The following MAST2 variants were observed in gnomAD, a reference collection of about 807,000 sequenced individuals.
The protein encoded by MAST2 is microtubule associated serine/threonine kinase 2.
A neutral mutation model predicts 147.4 loss-of-function variants in MAST2; 70 were observed. The observed-to-expected ratio is 0.47, with a 90% confidence interval of 0.39 to 0.58. The LOEUF is 0.58. Among genes scored for constraint, MAST2 ranks in the 20% least tolerant of loss-of-function variants. The pLI, the probability that MAST2 is intolerant of heterozygous loss-of-function variation, is 0.00. For synonymous variants in MAST2, 869 were observed against 896.8 expected, an observed-to-expected ratio of 0.97 and a Z score of 0.55; for missense variants, 2,080 against 2,302.3, an observed-to-expected ratio of 0.90 and a Z score of 1.98.
rs56065470 is a variant in MAST2, at chr1:46,028,881, C to T, written c.2166C>T (p.Cys722=). 7,092 of 1,612,404 alleles carry T rather than the reference C, an allele frequency of 4.4e-3. 21 individuals carry two copies. The highest frequency in any genetic ancestry group is 6.1e-3 in the Middle Eastern group (37 of 6,052). The change falls in exon 18 of 29, where the codon TGC becomes TGT. Residue 722 remains cysteine, a synonymous_variant. Transcript: ENST00000361297. The part of the protein sequence containing the change: ...GIILYEFLVG[C]VPFFGDTPEE... ...TCCTGTATGAGTTCCTGGTGGGCTG[C>T]GTCCCTTTTTTTGGAGATACTCCGG...
At position 45,824,420 on chromosome 1, in the gene MAST2, T is replaced by C; in HGVS notation, c.178-13T>C. The stretch of plus-strand genomic sequence containing the variant: ...TATTAAAGACTCATGTTTTACTCTT[T>C]TTCTCTTTGAAGGATGTAGTAACTG... On this transcript the variant is annotated splice_polypyrimidine_tract_variant and intron_variant, in intron 1 of 28. Transcript: ENST00000361297. 8 of 1,579,182 alleles carry C rather than the reference T, an allele frequency of 5.1e-6. No homozygotes were observed. The highest frequency in any genetic ancestry group is 6.9e-6 in the Non-Finnish European group (8 of 1,159,396).
intron 1 of MAST2, among the ~76,000 whole-genome samples, chr1:45,807,944 A>T (rs181521840): frequency 9.2e-5 from 14 of 152,290 alleles, no homozygotes; most frequent in African/African-American, 3.4e-4. Flanking sequence ...ATGTGTCGAG[A>T]CTGGTTGAAT....
chr1:45,966,690 C>G (rs978861812), intron 5 of MAST2, among the ~76,000 whole-genome samples: 1 of 151,996 alleles, frequency 6.6e-6, no homozygotes, highest in African/African-American at 2.4e-5. Context: ...CCACTGCACT[C>G]CAGCCTGGGC....
chr1:45,986,420 A>C (rs1571077222), intron 5 of MAST2, among the ~76,000 whole-genome samples: 1 of 152,254 alleles, frequency 6.6e-6, no homozygotes, highest in East Asian at 1.9e-4. Context: ...CATTATTTAG[A>C]GAATATTCGT....
intron 16 of MAST2, among the ~76,000 whole-genome samples, chr1:46,027,378 G>GAAA (rs776625573): frequency 2.0e-5 from 3 of 152,204 alleles, no homozygotes; most frequent in Non-Finnish European, 4.4e-5. Context: ...AGGGGACTAG[G>GAAA]AATGGCTCCA....
At chr1:45,831,475 A>G (rs943758749) in intron 3 of MAST2, among the ~76,000 whole-genome samples, 31 of 152,180 alleles carry the variant, frequency 2.0e-4, no homozygotes, top group African/African-American at 7.5e-4. Context: ...CTCAGGCCAC[A>G]GAGAGAATCA....
In MAST2 at chr1:45,971,513, C is replaced by T. The variant is rs115794428; in HGVS notation, c.592+12036C>T. On this transcript the variant is annotated intron_variant, in intron 5 of 28. Coordinates refer to ENST00000361297, the MANE Select transcript of MAST2 (RefSeq NM_015112.3). ...TGGGGCAGAGCAACCCACATATCCA[C>T]GTTCCCACACCACTGACTGATAATG... is the stretch of plus-strand genomic sequence containing the variant. Among the ~76,000 whole-genome samples, 1,012 of 152,312 alleles carry T rather than the reference C, an allele frequency of 6.6e-3. 12 individuals carry two copies. The highest frequency in any genetic ancestry group is 0.023 in the African/African-American group (974 of 41,564).
chr1:45,859,699 A>G (rs1474876522), intron 3 of MAST2, among the ~76,000 whole-genome samples: 1 of 152,220 alleles, frequency 6.6e-6, no homozygotes, highest in East Asian at 1.9e-4. Flanking sequence ...ACTTACTGAT[A>G]AATAAAAGGA....
rs1310509684 is a variant in MAST2, at chr1:45,979,952, T to A, written c.593-17772T>A. ...AAAATAAAATACTGCATGTTCTCCC[T>A]TATATGTGGGAGCTAAACAGCGGGT... On this transcript the variant is annotated intron_variant, in intron 5 of 28. Coordinates refer to ENST00000361297, the MANE Select transcript of MAST2 (RefSeq NM_015112.3). Among the ~76,000 whole-genome samples, 5 of 152,202 alleles carry A rather than the reference T, an allele frequency of 3.3e-5. 1 individual carries two copies. The highest frequency in any genetic ancestry group is 2.0e-4 in the Admixed American group (3 of 15,282).
At chr1:45,807,728 G>T (rs12140660) in intron 1 of MAST2, among the ~76,000 whole-genome samples, 14,410 of 152,036 alleles carry the variant, frequency 0.095, 865 homozygotes, top group Middle Eastern at 0.14. Context: ...TTTTAGTAGA[G>T]ACGGGGTTTC....
chr1:45,960,005 G>A (rs1041554930), intron 5 of MAST2, among the ~76,000 whole-genome samples: 7 of 152,162 alleles, frequency 4.6e-5, no homozygotes, highest in South Asian at 2.1e-4. Flanking sequence ...TCCTAGGCTC[G>A]AGTGATCCTC....
chr1:46,026,599 C>T (rs577063609), intron 16 of MAST2, among the ~76,000 whole-genome samples: 7 of 152,088 alleles, frequency 4.6e-5, no homozygotes, highest in East Asian at 1.9e-4. Context: ...AAAGAGATAC[C>T]GAGACCAGGG....
chr1:45,813,264 G>A (rs1043184882), intron 1 of MAST2, among the ~76,000 whole-genome samples: 3 of 151,828 alleles, frequency 2.0e-5, no homozygotes, highest in East Asian at 1.9e-4. Context: ...GTCATGTTCC[G>A]CATAATTATG....
chr1:45,891,163 A>C (rs1378011740), intron 4 of MAST2, among the ~76,000 whole-genome samples: 1 of 152,174 alleles, frequency 6.6e-6, no homozygotes, highest in Non-Finnish European at 1.5e-5. Context: ...TTGCACCTTC[A>C]CTGTACAGAA....
chr1:45,803,763 G>A lies in MAST2; in HGVS notation c.-133G>A, dbSNP rs1032716345. The A allele has an allele frequency of 7.6e-5, 27 of 354,012 alleles. No individual in the cohort carries two copies. Among genetic ancestry groups the A allele is most frequent in the Non-Finnish European group, 1.2e-4 (24 of 198,310 alleles). 21.9% of individuals were successfully genotyped at this position (354,012 alleles called of 1,614,324 possible). ...AGAAGGCTCGAAGGCGCCGCGGGCT[G>A]GGGTCGGTGGCTTAGGGAGCCCGTC... On this transcript the variant is annotated 5_prime_UTR_variant, in exon 1 of 29. Transcript: ENST00000361297.
At position 46,034,732 on chromosome 1, in the gene MAST2, C is replaced by G. The variant is rs368269530; in HGVS notation, c.4063C>G (p.Pro1355Ala). ...PLAHTPSPPP[P>A]TASPQRSPSP... Reference sequence around the variant, plus strand: ...GGCCCACACCCCTTCTCCCCCACCCCCAACAGCTTCACCTCAGCGGTCCCC... The same window carrying G: ...GGCCCACACCCCTTCTCCCCCACCCGCAACAGCTTCACCTCAGCGGTCCCC... The change falls in exon 29 of 29, where the codon CCA (proline) becomes GCA (alanine). Residue 1355 changes from proline (P) to alanine (A), a missense_variant. Pro to Ala is a conservative substitution (Grantham distance 27). Coordinates refer to ENST00000361297, the MANE Select transcript of MAST2 (RefSeq NM_015112.3). The G allele has an allele frequency of 1.9e-6, 3 of 1,614,056 alleles. No homozygotes were observed. In the African/African-American group the frequency reaches 4.0e-5, roughly 22 times the overall value.
intron 3 of MAST2, among the ~76,000 whole-genome samples, chr1:45,840,961 A>AT (rs1432589356): frequency 1.7e-4 from 26 of 152,154 alleles, no homozygotes; most frequent in South Asian, 2.1e-4. Flanking sequence ...ATTAATCTCT[A>AT]TTTTTTTGAG....
intron 5 of MAST2, among the ~76,000 whole-genome samples, chr1:45,975,246 A>C (rs530942495): frequency 1.3e-5 from 2 of 152,162 alleles, no homozygotes; most frequent in African/African-American, 4.8e-5. Flanking sequence ...AAGATTTGTA[A>C]CCCAAGCTAG....
chr1:45,810,561 C>G (rs1280083857), intron 1 of MAST2, among the ~76,000 whole-genome samples: 3 of 152,012 alleles, frequency 2.0e-5, no homozygotes, highest in African/African-American at 7.2e-5. Context: ...CCTGTAATCC[C>G]AGCACTTTGG....
Sources: allele counts gnomAD v4.1 joint callset (sites outside exome capture counted in the v4.1 genomes callset), GRCh38; gene constraint gnomAD v4.1.1; transcripts MANE v1.5; gene names NCBI Gene and HGNC (gene_info 2026-07-23, HGNC 2026-07-21).